ZNF185: variants seen among roughly 807,000 people sequenced by gnomAD.
ZNF185 encodes the protein zinc finger protein 185 with LIM domain, also known as zinc finger protein 185.
A neutral mutation model predicts 58.6 loss-of-function variants in ZNF185; 56 were observed. That is an observed-to-expected ratio of 0.95 (90% CI 0.77 to 1.19). The LOEUF (loss-of-function observed/expected upper bound fraction) is 1.19, where lower values mean the gene tolerates loss of function less well. Ranked by LOEUF, ZNF185 falls within the 50% of genes most tolerant of loss-of-function variation. The pLI, the probability that ZNF185 is intolerant of heterozygous loss-of-function variation, is 0.00. For missense variants in ZNF185, 627 were observed against 573.5 expected (o/e 1.09, Z -0.95); for synonymous variants, 230 against 215.9 (o/e 1.07, Z -0.57).
the ZNF185 span, among the ~76,000 whole-genome samples, chrX:152,904,701 C>T: frequency 1.8e-5 from 2 of 111,982 alleles, no homozygotes; most frequent in African/African-American, 6.5e-5. Flanking sequence ...ATTCCTCAGG[C>T]TTGTCCTTGC....
chrX:152,917,221 C>T (rs1462822726), intron 4 of ZNF185, 52 bp downstream of exon 5: 2 of 1,209,671 alleles, frequency 1.7e-6, no homozygotes, highest in East Asian at 3.0e-5. Flanking sequence ...CACGCCAAGC[C>T]CTGACTTCTT....
intron 9 of ZNF185, 147 bp downstream of exon 10, chrX:152,920,895 G>A: frequency 1.4e-6 from 1 of 717,966 alleles, no homozygotes; most frequent in Non-Finnish European, 2.1e-6. Flanking sequence ...TGAGGGGCTG[G>A]GGGCTTCTGT....
chrX:152,946,080 T>C (rs920075407), intron 16 of ZNF185, among the ~76,000 whole-genome samples: 11 of 112,615 alleles, frequency 9.8e-5, no homozygotes, highest in African/African-American at 3.6e-4. Context: ...CAGGCTCTCT[T>C]GAAGGCATCT....
At position 152,949,138 on chromosome X, in the gene ZNF185, A is replaced by AC. The variant is rs1373253034; in HGVS notation, c.1409+3678dup. 5.4e-5 allele frequency among the ~76,000 whole-genome samples: 6 copies of AC among 111,467 alleles called. No homozygotes were observed. The Admixed American group carries it at 5.7e-4, about 11-fold the overall frequency. On this transcript the variant is annotated intron_variant, in intron 16 of 22. Coordinates refer to ENST00000449285, the Ensembl canonical transcript of ZNF185. The stretch of plus-strand genomic sequence containing the variant: ...TCTGGTCGAGTGAGTGGAGTATGTG[A>AC]CCCCTCCTGGCTTAGGTGGTGGCCA...
At chrX:152,950,459 A>G (rs981763847) in intron 16 of ZNF185, among the ~76,000 whole-genome samples, 1 of 111,807 alleles carries the variant, frequency 8.9e-6, no homozygotes, top group Non-Finnish European at 1.9e-5. Flanking sequence ...ATAAAGAGCA[A>G]TATCTCATGT....
At chrX:152,898,381 C>G in the ZNF185 span, among the ~76,000 whole-genome samples, 3 of 112,562 alleles carry the variant, frequency 2.7e-5, no homozygotes, top group Admixed American at 9.2e-5. Context: ...TCTTCGGGTT[C>G]CCCCCGGGAG....
intron 22 of ZNF185, 136 bp downstream of exon 24, chrX:152,970,677 T>C: frequency 2.1e-6 from 1 of 480,803 alleles, no homozygotes; most frequent in South Asian, 3.6e-5. Context: ...GGGGGCCTTG[T>C]GTCCTCATGT....
chrX:152,926,501 C>T lies in ZNF185; in HGVS notation c.831-2074C>T, dbSNP rs781837980. The stretch of plus-strand genomic sequence containing the variant: ...CCCTCGCCCCACATCCCCGCCTCCT[C>T]GCTCTTTGGCAGAATGAGTCACACA... On this transcript the variant is annotated intron_variant, in intron 11 of 22. Coordinates refer to ENST00000449285, the Ensembl canonical transcript of ZNF185. Among the ~76,000 whole-genome samples, 316 of 112,957 alleles carry T rather than the reference C, an allele frequency of 2.8e-3. 1 individual carries two copies. Among genetic ancestry groups the T allele is most frequent in the Non-Finnish European group, 4.7e-3 (253 of 53,351 alleles).
At chrX:152,943,768 A>G (rs2125741801) in intron 15 of ZNF185, among the ~76,000 whole-genome samples, 1 of 113,009 alleles carries the variant, frequency 8.8e-6, no homozygotes, top group Admixed American at 9.3e-5. Flanking sequence ...AACCTCTACT[A>G]GTGTATTTCT....
intron 11 of ZNF185, among the ~76,000 whole-genome samples, chrX:152,925,614 C>G: frequency 9.0e-6 from 1 of 111,588 alleles, no homozygotes; most frequent in Non-Finnish European, 1.9e-5. Context: ...AAGCTGCTGG[C>G]TGATCCTGAC....
chrX:152,937,944 C>G (rs1231075543), intron 14 of ZNF185, 130 bp from the exon 17 acceptor site: 7 of 586,321 alleles, frequency 1.2e-5, no homozygotes, highest in Non-Finnish European at 1.6e-5. Flanking sequence ...AATGCCAGGA[C>G]TGAGACACCA....
the ZNF185 span, among the ~76,000 whole-genome samples, chrX:152,900,403 TA>T: frequency 8.9e-6 from 1 of 112,737 alleles, no homozygotes; most frequent in Admixed American, 9.3e-5. Flanking sequence ...CCACAACTTA[TA>T]AGGTGCCAGG....
chrX:152,952,571 A>T (rs1228915518), intron 16 of ZNF185, among the ~76,000 whole-genome samples: 3 of 111,662 alleles, frequency 2.7e-5, no homozygotes. Flanking sequence ...CTGAAGCTCT[A>T]CTGGCTATAG....
At chrX:152,939,776 G>GTTTTTTTTT (rs57118182) in intron 15 of ZNF185, among the ~76,000 whole-genome samples, 2 of 49,844 alleles carry the variant, frequency 4.0e-5, no homozygotes, top group Non-Finnish European at 6.6e-5. Flanking sequence ...AATCAGAGGT[G>GTTTTTTTTT]TTTTTTTTTT....
At chrX:152,936,876 GAGA>G (rs1163117936) in intron 14 of ZNF185, among the ~76,000 whole-genome samples, 2 of 110,419 alleles carry the variant, frequency 1.8e-5, no homozygotes, top group African/African-American at 6.6e-5. Context: ...AGGAGTCAGG[GAGA>G]AGATTCCCAG....
At chrX:152,968,126 G>A (rs1156676557) in intron 20 of ZNF185, among the ~76,000 whole-genome samples, 1 of 112,353 alleles carries the variant, frequency 8.9e-6, no homozygotes, top group Non-Finnish European at 1.9e-5. Context: ...GAGCAGACAA[G>A]CATATGGGGC....
chrX:152,929,937 C>T (rs1223916167), intron 12 of ZNF185, among the ~76,000 whole-genome samples: 1 of 112,394 alleles, frequency 8.9e-6, no homozygotes, highest in African/African-American at 3.2e-5. Context: ...CTTTCTGTTC[C>T]ACCTCAAATG....
At chrX:152,911,534 C>T (rs899508054), upstream of ZNF185, among the ~76,000 whole-genome samples, 1 of 109,855 alleles carries the variant, frequency 9.1e-6, no homozygotes. Context: ...GGGATCGTGG[C>T]CTAGACCAGG....
intron 16 of ZNF185, among the ~76,000 whole-genome samples, chrX:152,951,967 T>G (rs1200236812): frequency 8.9e-6 from 1 of 112,543 alleles, no homozygotes; most frequent in Admixed American, 9.4e-5. Context: ...AAACTGCCTT[T>G]AAGCTTACAT....
Sources: gnomAD v4.1 joint callset for allele counts (sites outside exome capture counted in the v4.1 genomes callset) on GRCh38, gnomAD v4.1.1 for gene constraint, MANE v1.5 for transcripts, NCBI Gene and HGNC (gene_info 2026-07-23, HGNC 2026-07-21) for gene names.